PCDHA13: variants seen among roughly 807,000 people sequenced by gnomAD.
The protein encoded by PCDHA13 is protocadherin alpha 13, also known as protocadherin alpha-13.
Under a neutral mutation model 64.8 loss-of-function variants are expected in PCDHA13, and 54 were observed. The ratio of observed to expected loss-of-function variants is 0.83; its 90% CI spans 0.67 to 1.04. The LOEUF is 1.04. Ranked by LOEUF, PCDHA13 falls within the 50% of genes least tolerant of loss-of-function variation. The pLI, the probability that PCDHA13 is intolerant of heterozygous loss-of-function variation, is 0.00. For synonymous variants in PCDHA13, 587 were observed against 564.4 expected (o/e 1.04, Z -0.57); for missense variants, 1,248 against 1,254.3 (o/e 0.99, Z 0.08).
intron 1 of PCDHA13, chr5:140,926,648 G>A (rs1319870606): frequency 2.5e-5 from 12 of 475,704 alleles, no homozygotes; most frequent in Non-Finnish European, 3.5e-6. Context: ...CACCCGGCCG[G>A]CTCCGCTTTC....
Position 140,882,813 on chromosome 5 carries a change from C to A in PCDHA13, c.545C>A (p.Ala182Glu), listed in dbSNP as rs782169035. 2 of 1,614,058 alleles carry A rather than the reference C, an allele frequency of 1.2e-6. No individual in the cohort carries two copies. The highest frequency in any genetic ancestry group is 3.3e-5 in the Admixed American group (2 of 60,002). Residue 182 changes from alanine to glutamate, a missense_variant, in exon 1 of 4, where the codon GCA becomes GAA. Transcript: ENST00000289272. ...CCCAACGATTATTTCACTTTGGACG[C>A]ACAAAACAGTCTTGAGCAAATGTCT... The part of the protein sequence containing the change: ...LDPNDYFTLD[A>E]QNSLEQMSSL...
At chr5:140,972,132 A>C (rs1412850121) in intron 1 of PCDHA13, among the ~76,000 whole-genome samples, 9 of 152,062 alleles carry the variant, frequency 5.9e-5, no homozygotes, top group African/African-American at 2.2e-4. Context: ...TCAGTGAGTT[A>C]CTACTATTTT....
rs372349337 is a variant in PCDHA13, at chr5:140,882,421, C to A, written c.153C>A (p.Asp51Glu). The change falls in exon 1 of 4, where the codon GAC becomes GAA. Residue 51 changes from aspartate to glutamate, a missense_variant. Asp to Glu is a conservative substitution (Grantham distance 45). Transcript: ENST00000289272. ...HGTFVGRIAQ[D>E]LGLELAELVP... is the part of the protein sequence containing the mutation. ...CCTTCGTGGGCCGCATCGCTCAGGA[C>A]CTGGGGCTGGAGCTGGCGGAGCTGG... is the stretch of plus-strand genomic sequence containing the variant. 5.0e-6 allele frequency: 8 copies of A among 1,613,986 alleles called. No homozygotes were observed. The African/African-American group carries it at 8.0e-5, about 16-fold the overall frequency.
chr5:140,988,862 T>G (rs1554250483), intron 3 of PCDHA13: 2 of 152,218 alleles, frequency 1.3e-5, no homozygotes, highest in Non-Finnish European at 1.5e-5. Flanking sequence ...CAGTCTCATG[T>G]GCACTCAGAT....
chr5:140,971,652 G>A (rs1554233517), intron 1 of PCDHA13, among the ~76,000 whole-genome samples: 1 of 152,134 alleles, frequency 6.6e-6, no homozygotes, highest in African/African-American at 2.4e-5. Context: ...ATTAAAAGTA[G>A]ATGGGAATTA....
intron 1 of PCDHA13, among the ~76,000 whole-genome samples, chr5:140,956,484 A>G (rs868955895): frequency 1.3e-5 from 2 of 152,226 alleles, no homozygotes; most frequent in South Asian, 2.1e-4. Flanking sequence ...CCAGTCTTGC[A>G]TCCCAGGGAT....
At chr5:140,916,714 G>C (rs1457405124) in intron 1 of PCDHA13, among the ~76,000 whole-genome samples, 1 of 152,172 alleles carries the variant, frequency 6.6e-6, no homozygotes, top group African/African-American at 2.4e-5. Context: ...CAGAAGGAAG[G>C]AGTGACTTTT....
At chr5:140,974,496 T>C (rs1554236114) in intron 1 of PCDHA13, among the ~76,000 whole-genome samples, 1 of 152,198 alleles carries the variant, frequency 6.6e-6, no homozygotes, top group Non-Finnish European at 1.5e-5. Flanking sequence ...TCAAATGTAT[T>C]ACCTTTGTGT....
chr5:140,883,577 G>C lies in PCDHA13; in HGVS notation c.1309G>C (p.Ala437Pro). 1.2e-6 allele frequency: 2 copies of C among 1,614,052 alleles called. No homozygotes were observed. Among genetic ancestry groups the C allele is most frequent in the South Asian group, 1.1e-5 (1 of 91,062 alleles). Residue 437 changes from alanine to proline, a missense_variant, in exon 1 of 4, where the codon GCC (alanine) becomes CCC (proline). By Grantham distance (27) the Ala-to-Pro change is conservative. Transcript: ENST00000289272. ...GGACGGGGGCTCGCCTTCGCTGTGG[G>C]CCACGGCCAGCGTGTCGGTGGGGGT... is the stretch of plus-strand genomic sequence containing the variant. ...ARDGGSPSLW[A>P]TASVSVGVAD...
chr5:140,929,539 G>A (rs155821), intron 1 of PCDHA13: 194,060 of 591,620 alleles, frequency 0.33, 32,601 homozygotes, highest in East Asian at 0.49. Flanking sequence ...TGAGAAACAA[G>A]GGCAAAAATT....
intron 1 of PCDHA13, chr5:140,928,095 G>A (rs782045221): frequency 6.2e-7 from 1 of 1,614,190 alleles, no homozygotes; most frequent in African/African-American, 1.3e-5. Flanking sequence ...TGATTGATGG[G>A]CCCCTGGACC....
At chr5:140,892,616 G>A (rs781995267) in intron 1 of PCDHA13, among the ~76,000 whole-genome samples, 1 of 151,910 alleles carries the variant, frequency 6.6e-6, no homozygotes, top group Admixed American at 6.6e-5. Flanking sequence ...TTTATTTCCA[G>A]TTGGTACATA....
chr5:140,944,999 G>A (rs2093721816), intron 1 of PCDHA13, among the ~76,000 whole-genome samples: 1 of 151,896 alleles, frequency 6.6e-6, no homozygotes, highest in Non-Finnish European at 1.5e-5. Context: ...TAACGGTTGT[G>A]GGTCATGAAT....
At chr5:140,928,630 G>A in intron 1 of PCDHA13, 1 of 1,614,210 alleles carries the variant, frequency 6.2e-7, no homozygotes, top group East Asian at 2.2e-5. Context: ...TGGACACTTG[G>A]TCACAAAAGT....
intron 1 of PCDHA13, among the ~76,000 whole-genome samples, chr5:140,894,790 T>C (rs943284227): frequency 6.6e-6 from 1 of 152,164 alleles, no homozygotes. Flanking sequence ...ATTTGTCCTC[T>C]CCTTTAAAAA....
chr5:141,003,685 A>G (rs782131958), intron 3 of PCDHA13, among the ~76,000 whole-genome samples: 12 of 152,198 alleles, frequency 7.9e-5, no homozygotes, highest in Non-Finnish European at 1.2e-4. Flanking sequence ...TCTGATTTTA[A>G]AATATATCCC....
intron 1 of PCDHA13, among the ~76,000 whole-genome samples, chr5:140,906,790 C>A (rs1381392314): frequency 6.6e-6 from 1 of 152,276 alleles, no homozygotes; most frequent in South Asian, 2.1e-4. Flanking sequence ...TTGTGTATTC[C>A]ATGCATACTC....
intron 2 of PCDHA13, 38 bp from the exon 3 acceptor site, chr5:140,982,437 A>G: frequency 6.2e-7 from 1 of 1,613,390 alleles, no homozygotes; most frequent in East Asian, 2.2e-5. Flanking sequence ...GAAAGAATTT[A>G]TGATCTAACC....
At chr5:140,977,925 A>G (rs782072280) in intron 1 of PCDHA13, among the ~76,000 whole-genome samples, 8 of 152,152 alleles carry the variant, frequency 5.3e-5, no homozygotes, top group Non-Finnish European at 1.0e-4. Flanking sequence ...TTTTCATTCA[A>G]CTATACCTCA....
Sources: gnomAD v4.1 joint callset for allele counts (sites outside exome capture counted in the v4.1 genomes callset) on GRCh38, gnomAD v4.1.1 for gene constraint, MANE v1.5 for transcripts, NCBI Gene and HGNC (gene_info 2026-07-23, HGNC 2026-07-21) for gene names.